AGAP1: variants seen among roughly 807,000 people sequenced by gnomAD.
AGAP1 encodes the protein ArfGAP with GTPase domain, ankyrin repeat and PH domain 1.
A neutral mutation model predicts 105.3 loss-of-function variants in AGAP1; 29 were observed. The observed-to-expected ratio is 0.28, with a 90% CI of 0.21 to 0.38. AGAP1 has a LOEUF of 0.38. AGAP1 is among the 10% of genes least tolerant of loss of function. AGAP1 has a pLI of 1.00. For synonymous variants in AGAP1, 509 were observed against 485.9 expected (o/e 1.05, Z -0.63); for missense variants, 998 against 1,165.1 (o/e 0.86, Z 2.09).
At chr2:235,527,046 G>T (rs1443565853) in intron 1 of AGAP1, among the ~76,000 whole-genome samples, 1 of 152,190 alleles carries the variant, frequency 6.6e-6, no homozygotes, top group African/African-American at 2.4e-5. Context: ...ACTGTATCAA[G>T]CAAAAGTGAA....
Position 235,586,128 on chromosome 2 carries a change from A to C in AGAP1, c.163+91279A>C, listed in dbSNP as rs1945102315. The stretch of plus-strand genomic sequence containing the variant: ...GAAAAAAATGCCTCCTGGAAAAAGC[A>C]GTAAATGTAAGGATTTAGGTCGGCC... On this transcript the variant is annotated intron_variant, in intron 1 of 17. Coordinates refer to ENST00000304032, the MANE Select transcript of AGAP1 (RefSeq NM_001037131.3). This position sits in a 1 kb window ranked among gnomAD's most constrained non-coding sequence, Gnocchi z 4.2. Among the ~76,000 whole-genome samples, 1 of 152,186 alleles carries C rather than the reference A, an allele frequency of 6.6e-6. No homozygotes were observed. Among genetic ancestry groups the C allele is most frequent in the Non-Finnish European group, 1.5e-5 (1 of 68,036 alleles).
rs1021899840 is a variant in AGAP1, at chr2:236,096,804, G to A, written c.2115-23388G>A. Among the ~76,000 whole-genome samples, 4 of 151,784 alleles carry A rather than the reference G, an allele frequency of 2.6e-5. No homozygotes were observed. The highest frequency in any genetic ancestry group is 7.3e-5 in the African/African-American group (3 of 41,346). On this transcript the variant is annotated intron_variant, in intron 16 of 17. Transcript: ENST00000304032. The surrounding 1 kb of genome is among the most constrained non-coding windows in gnomAD (Gnocchi z 4.4). Reference sequence around the variant, plus strand: ...TCACCGTGTTGGCCAGGCTGGTCTCGAGCTCCCAACCTCAAGTGATTCACC... The same window carrying A: ...TCACCGTGTTGGCCAGGCTGGTCTCAAGCTCCCAACCTCAAGTGATTCACC...
intron 1 of AGAP1, among the ~76,000 whole-genome samples, chr2:235,706,487 C>T (rs548201821): frequency 6.6e-6 from 1 of 152,206 alleles, no homozygotes; most frequent in East Asian, 1.9e-4. Context: ...CTCGGCCTCC[C>T]AAATTACAGG....
chr2:236,016,381 C>CT lies in AGAP1; in HGVS notation c.1646-20161dup, dbSNP rs151088125. On this transcript the variant is annotated intron_variant, in intron 13 of 17. Coordinates refer to ENST00000304032, the MANE Select transcript of AGAP1 (RefSeq NM_001037131.3). ...GTCCTTATCAAATATGTTGGGTTTG[C>CT]TTTTTTTTTTTTTTTTTTTGTATGC... 2.7e-3 allele frequency among the ~76,000 whole-genome samples: 310 copies of CT among 114,650 alleles called. 3 individuals are homozygous for CT. The highest frequency in any genetic ancestry group is 0.015 in the East Asian group (59 of 4,052). 75.2% of individuals were successfully genotyped at this position (114,650 alleles called of 152,430 possible). A position where few individuals can be genotyped will look rare whatever the true frequency, so the allele number is the denominator to read the frequency against.
chr2:235,913,076 GTCT>G (rs1197762895), intron 11 of AGAP1, among the ~76,000 whole-genome samples: 2 of 151,952 alleles, frequency 1.3e-5, no homozygotes, highest in Admixed American at 6.5e-5. Flanking sequence ...AAATTTTATG[GTCT>G]TCTTTACATA....
chr2:235,937,628 T>C (rs928639499), intron 12 of AGAP1, among the ~76,000 whole-genome samples: 1 of 152,250 alleles, frequency 6.6e-6, no homozygotes, highest in African/African-American at 2.4e-5. Context: ...GTTGCTGTAG[T>C]GCCCGGACCA....
At chr2:235,762,137 A>C (rs1954499246) in intron 6 of AGAP1, among the ~76,000 whole-genome samples, 1 of 151,552 alleles carries the variant, frequency 6.6e-6, no homozygotes. Flanking sequence ...AAAATTGCAG[A>C]GAATATGGAC....
At chr2:236,108,188 G>C (rs749837192) in intron 16 of AGAP1, among the ~76,000 whole-genome samples, 1 of 152,228 alleles carries the variant, frequency 6.6e-6, no homozygotes, top group Non-Finnish European at 1.5e-5. Context: ...GCAAGGGGGA[G>C]GCAGCTGTCA....
At chr2:235,757,930 TCTC>T (rs562051465) in intron 6 of AGAP1, among the ~76,000 whole-genome samples, 96 of 152,248 alleles carry the variant, frequency 6.3e-4, no homozygotes, top group African/African-American at 2.2e-3. Flanking sequence ...CTGGGCCTCT[TCTC>T]CTGGGTCCTG....
At chr2:235,652,942 C>G (rs1436499855) in intron 1 of AGAP1, among the ~76,000 whole-genome samples, 1 of 151,976 alleles carries the variant, frequency 6.6e-6, no homozygotes, top group African/African-American at 2.4e-5. Context: ...ACTGCACACT[C>G]TAGCCTGGGG....
intron 1 of AGAP1, among the ~76,000 whole-genome samples, chr2:235,530,774 AGCGACAGT>A (rs1278944307): frequency 6.6e-6 from 1 of 152,198 alleles, no homozygotes; most frequent in Non-Finnish European, 1.5e-5. Context: ...ACTTAATCAC[AGCGACAGT>A]GCCTCTTTAT....
Position 235,518,000 on chromosome 2 carries a change from G to T in AGAP1, c.163+23151G>T, listed in dbSNP as rs1220403777. Among the ~76,000 whole-genome samples, 1 of 152,038 alleles carries T rather than the reference G, an allele frequency of 6.6e-6. No homozygotes were observed. The highest frequency in any genetic ancestry group is 2.4e-5 in the African/African-American group (1 of 41,404). On this transcript the variant is annotated intron_variant, in intron 1 of 17. Transcript: ENST00000304032. The surrounding 1 kb of genome is among the most constrained non-coding windows in gnomAD (Gnocchi z 4.1). ...GCCATTGAGGTCTGAGTCCCGGCTT[G>T]CCTCAGTTGGGGTTCTTGCCCCCAT...
intron 1 of AGAP1, among the ~76,000 whole-genome samples, chr2:235,533,134 G>A (rs1044850604): frequency 6.6e-6 from 1 of 152,174 alleles, no homozygotes; most frequent in Non-Finnish European, 1.5e-5. Flanking sequence ...TCGCGGATGT[G>A]GAGTTACAGC....
At chr2:235,943,785 G>T (rs2053370637) in intron 12 of AGAP1, among the ~76,000 whole-genome samples, 2 of 152,222 alleles carry the variant, frequency 1.3e-5, no homozygotes, top group Non-Finnish European at 2.9e-5. Context: ...GCCAGAGATG[G>T]GTGACAGAGG....
rs1559183116 is a variant in AGAP1, at chr2:236,005,125, T to TG, written c.1646-31436_1646-31435insG. 6.7e-5 allele frequency among the ~76,000 whole-genome samples: 10 copies of TG among 150,038 alleles called. No homozygotes were observed. Among genetic ancestry groups the TG allele is most frequent in the East Asian group, 1.9e-4 (1 of 5,156 alleles). ...CCCCCTGACAAGTTTCCCATGTTTT[T>TG]TGTGTGTGTGTGTGTTTTGGTTTTT... On this transcript the variant is annotated intron_variant, in intron 13 of 17. Coordinates refer to ENST00000304032, the MANE Select transcript of AGAP1 (RefSeq NM_001037131.3). This position sits in a 1 kb window ranked among gnomAD's most constrained non-coding sequence, Gnocchi z 4.1.
At chr2:235,939,473 A>G (rs1559672481) in intron 12 of AGAP1, among the ~76,000 whole-genome samples, 1 of 151,474 alleles carries the variant, frequency 6.6e-6, no homozygotes, top group East Asian at 2.0e-4. Flanking sequence ...CACTCCCTTC[A>G]GCTTACATAC....
At chr2:235,731,070 T>C (rs774446409) in intron 3 of AGAP1, among the ~76,000 whole-genome samples, 8 of 152,326 alleles carry the variant, frequency 5.3e-5, no homozygotes, top group Non-Finnish European at 8.8e-5. Context: ...GACCTTGTCT[T>C]GTTCACCCTA....
rs116082767 is a variant in AGAP1 at position 235,607,251 on chromosome 2, A to G, written c.164-101928A>G. 4.8e-3 allele frequency among the ~76,000 whole-genome samples: 737 copies of G among 152,340 alleles called. 5 individuals are homozygous for G. The highest frequency in any genetic ancestry group is 8.4e-3 in the Non-Finnish European group (571 of 68,032). ...CATGCAGGGGAATGCTAGGTGGGAAATAGGACATTTTGTTGAAGCCCGATG... is the reference window on the plus strand; with the variant it reads ...CATGCAGGGGAATGCTAGGTGGGAAGTAGGACATTTTGTTGAAGCCCGATG... On this transcript the variant is annotated intron_variant, in intron 1 of 17. Transcript: ENST00000304032.
chr2:235,511,071 C>T (rs934141163), intron 1 of AGAP1, among the ~76,000 whole-genome samples: 4 of 152,134 alleles, frequency 2.6e-5, no homozygotes, highest in South Asian at 2.1e-4. Context: ...GGGCAATTTT[C>T]GGTTTGTTAC....
Sources: gnomAD v4.1 joint callset for allele counts (sites outside exome capture counted in the v4.1 genomes callset) on GRCh38, gnomAD v4.1.1 for gene constraint, Gnocchi (gnomAD v3.1) non-coding constraint, MANE v1.5 for transcripts, NCBI Gene and HGNC (gene_info 2026-07-23, HGNC 2026-07-21) for gene names.